Variants in HS6ST3 observed in about 807,000 individuals in gnomAD.
HS6ST3 encodes heparan-sulfate 6-O-sulfotransferase 3.
A neutral mutation model predicts 36.7 loss-of-function variants in HS6ST3; 12 were observed. That is an observed-to-expected ratio of 0.33 (90% CI 0.21 to 0.53). The LOEUF is 0.53. Among genes scored for constraint, HS6ST3 ranks in the 20% least tolerant of loss-of-function variants. HS6ST3 has a pLI of 0.95. For synonymous variants in HS6ST3, 240 were observed against 257.5 expected (o/e 0.93, Z 0.65); for missense variants, 584 against 640.9 (o/e 0.91, Z 0.96).
chr13:96,816,716 T>C (rs1424541737), intron 1 of HS6ST3, among the ~76,000 whole-genome samples: 2 of 152,156 alleles, frequency 1.3e-5, no homozygotes, highest in Admixed American at 6.5e-5. Flanking sequence ...TGCTCAACTT[T>C]CCTTGGGATG....
intron 1 of HS6ST3, among the ~76,000 whole-genome samples, chr13:96,795,142 T>A (rs140983877): frequency 7.4e-4 from 112 of 152,176 alleles, no homozygotes; most frequent in African/African-American, 2.5e-3. Flanking sequence ...CGTTTTAATA[T>A]CTCAAACCTT....
At chr13:96,479,201 G>C (rs1193597674) in intron 1 of HS6ST3, among the ~76,000 whole-genome samples, 1 of 152,224 alleles carries the variant, frequency 6.6e-6, no homozygotes, top group East Asian at 1.9e-4. Context: ...GGAAGCGTTT[G>C]CCTAAACGGG....
At chr13:96,350,849 T>C (rs1423533353) in intron 1 of HS6ST3, among the ~76,000 whole-genome samples, 1 of 152,212 alleles carries the variant, frequency 6.6e-6, no homozygotes, top group Admixed American at 6.5e-5. Flanking sequence ...TGTAGCTTTC[T>C]TATTTTCCCA....
chr13:96,242,514 C>T (rs984086945), intron 1 of HS6ST3, among the ~76,000 whole-genome samples: 4 of 152,128 alleles, frequency 2.6e-5, no homozygotes, highest in African/African-American at 4.8e-5. Flanking sequence ...CCACTGTGCC[C>T]GACCCAAGTC....
chr13:96,749,928 A>G (rs1294416243), intron 1 of HS6ST3, among the ~76,000 whole-genome samples: 2 of 152,108 alleles, frequency 1.3e-5, no homozygotes, highest in Non-Finnish European at 2.9e-5. Context: ...TGATTCATCA[A>G]TTACCTAATC....
At chr13:96,375,491 T>G (rs2055310480) in intron 1 of HS6ST3, among the ~76,000 whole-genome samples, 1 of 152,202 alleles carries the variant, frequency 6.6e-6, no homozygotes, top group Non-Finnish European at 1.5e-5. Flanking sequence ...TGACTTCATT[T>G]TCCTGAGCCA....
In HS6ST3 at chr13:96,826,641, G is replaced by T. The variant is rs144308318; in HGVS notation, c.708-5849G>T. Among the ~76,000 whole-genome samples the T allele has an allele frequency of 1.2e-4, 19 of 152,278 alleles. No individual in the cohort carries two copies. The East Asian group carries it at 3.3e-3, about 26-fold the overall frequency. On this transcript the variant is annotated intron_variant, in intron 1 of 1. Coordinates refer to ENST00000376705, the MANE Select transcript of HS6ST3 (RefSeq NM_153456.4). Reference sequence around the variant, plus strand: ...CCTTGAGCTGGTCCAGGGAAGATATGCAGGATACCAAAGAGCAAAGAAAGG... The same window carrying T: ...CCTTGAGCTGGTCCAGGGAAGATATTCAGGATACCAAAGAGCAAAGAAAGG...
chr13:96,678,920 A>G (rs538676808), intron 1 of HS6ST3, among the ~76,000 whole-genome samples: 1 of 152,138 alleles, frequency 6.6e-6, no homozygotes, highest in East Asian at 1.9e-4. Flanking sequence ...GAACAAAGAC[A>G]GCAGAATTTC....
chr13:96,746,815 A>G (rs1876573450), intron 1 of HS6ST3, among the ~76,000 whole-genome samples: 1 of 152,064 alleles, frequency 6.6e-6, no homozygotes, highest in South Asian at 2.1e-4. Context: ...ATAGACCTAT[A>G]TGGGAGTCAT....
intron 1 of HS6ST3, among the ~76,000 whole-genome samples, chr13:96,222,874 T>TACAAAAAGA (rs1253363385): frequency 6.6e-6 from 1 of 152,060 alleles, no homozygotes; most frequent in Non-Finnish European, 1.5e-5. Flanking sequence ...TTGTAAGGAG[T>TACAAAAAGA]AGGGATGACT....
rs1006297595 is a variant in HS6ST3, at chr13:96,215,025, C to T, written c.707+123456C>T. ...CTCCCACTTCCTCCCCGCTGAGACC[C>T]ATTTTACCAGAGTGGGAGGGGGTCG... On this transcript the variant is annotated intron_variant, in intron 1 of 1. Coordinates refer to ENST00000376705, the MANE Select transcript of HS6ST3 (RefSeq NM_153456.4). 1.4e-4 allele frequency among the ~76,000 whole-genome samples: 21 copies of T among 152,226 alleles called. 1 individual carries two copies. Among genetic ancestry groups the T allele is most frequent in the African/African-American group, 4.8e-4 (20 of 41,534 alleles).
intron 1 of HS6ST3, among the ~76,000 whole-genome samples, chr13:96,196,485 T>C (rs2054314614): frequency 6.6e-6 from 1 of 151,964 alleles, no homozygotes; most frequent in South Asian, 2.1e-4. Flanking sequence ...CCCTATACCG[T>C]GGGTATTGAG....
intron 1 of HS6ST3, among the ~76,000 whole-genome samples, chr13:96,264,431 G>A (rs2054681505): frequency 6.6e-6 from 1 of 152,160 alleles, no homozygotes; most frequent in African/African-American, 2.4e-5. Flanking sequence ...CTGATTTCTA[G>A]GAAAGTGTTT....
At chr13:96,439,006 G>C (rs1375449060) in intron 1 of HS6ST3, among the ~76,000 whole-genome samples, 1 of 152,024 alleles carries the variant, frequency 6.6e-6, no homozygotes, top group Non-Finnish European at 1.5e-5. Context: ...GGCAGAGGCT[G>C]CAGTGAACCA....
chr13:96,319,467 G>T (rs12871045), intron 1 of HS6ST3, among the ~76,000 whole-genome samples: 55,043 of 151,952 alleles, frequency 0.36, 10,303 homozygotes, highest in African/African-American at 0.43. Flanking sequence ...TCATGTATGA[G>T]TCTTTGGGCA....
intron 1 of HS6ST3, among the ~76,000 whole-genome samples, chr13:96,148,498 G>T (rs1413798965): frequency 1.3e-5 from 2 of 152,128 alleles, no homozygotes; most frequent in Admixed American, 6.5e-5. Context: ...TCTGACTTCG[G>T]ACCTGCAGAC....
chr13:96,108,266 A>G (rs2053851424), intron 1 of HS6ST3, among the ~76,000 whole-genome samples: 1 of 152,152 alleles, frequency 6.6e-6, no homozygotes, highest in Admixed American at 6.5e-5. Flanking sequence ...AGTCTCCTGT[A>G]GCGCCCCCAG....
chr13:96,463,489 A>T (rs2055795516), intron 1 of HS6ST3, among the ~76,000 whole-genome samples: 1 of 152,194 alleles, frequency 6.6e-6, no homozygotes, highest in South Asian at 2.1e-4. Flanking sequence ...AAAACTATAA[A>T]ATGTTTAGAG....
chr13:96,555,394 T>C (rs921545766), intron 1 of HS6ST3, among the ~76,000 whole-genome samples: 1 of 152,186 alleles, frequency 6.6e-6, no homozygotes, highest in Admixed American at 6.5e-5. Flanking sequence ...CAGTAGGGAA[T>C]AGTGGGCTTG....
Sources: gnomAD v4.1 joint callset for allele counts (sites outside exome capture counted in the v4.1 genomes callset) on GRCh38, gnomAD v4.1.1 for gene constraint, MANE v1.5 for transcripts, NCBI Gene and HGNC (gene_info 2026-07-23, HGNC 2026-07-21) for gene names.